The following NCALD variants were observed in gnomAD, a reference collection of about 807,000 sequenced individuals.
The protein encoded by NCALD is neurocalcin-delta.
In NCALD, 10 loss-of-function variants were observed where a neutral mutation model predicts 18.6. The ratio of observed to expected loss-of-function variants is 0.54; its 90% confidence interval spans 0.33 to 0.91. The LOEUF (loss-of-function observed/expected upper bound fraction) is 0.91, where lower values mean the gene tolerates loss of function less well. NCALD is among the 40% of genes least tolerant of loss of function. The pLI, the probability that NCALD is intolerant of heterozygous loss-of-function variation, is 0.03. For synonymous variants in NCALD, 88 were observed against 87.4 expected (o/e 1.01, Z -0.04); for missense variants, 184 against 247.6 (o/e 0.74, Z 1.72).
At chr8:101,859,984 GA>G (rs776376451) in intron 4 of NCALD, among the ~76,000 whole-genome samples, 9 of 152,176 alleles carry the variant, frequency 5.9e-5, no homozygotes, top group Non-Finnish European at 1.2e-4. Flanking sequence ...AAAGTTTCTA[GA>G]GATACATGAT....
At chr8:101,824,046 G>A (rs997316440) in intron 4 of NCALD, among the ~76,000 whole-genome samples, 1 of 152,142 alleles carries the variant, frequency 6.6e-6, no homozygotes, top group East Asian at 1.9e-4. Context: ...TTTACTTGTC[G>A]TGAAACTTCT....
At chr8:101,782,281 C>T (rs1196640557) in intron 1 of NCALD, among the ~76,000 whole-genome samples, 2 of 151,858 alleles carry the variant, frequency 1.3e-5, no homozygotes, top group African/African-American at 2.4e-5. Flanking sequence ...ACGGATATAA[C>T]CCAGCTAAAG....
At chr8:102,033,525 T>C (rs1481542395) in intron 1 of NCALD, among the ~76,000 whole-genome samples, 1 of 152,188 alleles carries the variant, frequency 6.6e-6, no homozygotes, top group Non-Finnish European at 1.5e-5. Context: ...GGTTTAAAGT[T>C]ATTCATTTCC....
intron 1 of NCALD, among the ~76,000 whole-genome samples, chr8:101,775,409 C>A (rs901415100): frequency 6.6e-6 from 1 of 152,148 alleles, no homozygotes. Flanking sequence ...AGGCTCTCAA[C>A]GTTTAGCTGG....
At chr8:102,007,430 G>A (rs1456920927) in intron 2 of NCALD, among the ~76,000 whole-genome samples, 1 of 152,196 alleles carries the variant, frequency 6.6e-6, no homozygotes. Flanking sequence ...TTCATCAGTT[G>A]ATACATAAGC....
At chr8:102,025,648 A>T (rs1356109354) in intron 1 of NCALD, among the ~76,000 whole-genome samples, 1 of 152,220 alleles carries the variant, frequency 6.6e-6, no homozygotes, top group Non-Finnish European at 1.5e-5. Flanking sequence ...CATGATATAT[A>T]ACGCATTTCC....
intron 1 of NCALD, among the ~76,000 whole-genome samples, chr8:102,031,233 A>G (rs143576316): frequency 3.9e-4 from 60 of 152,336 alleles, no homozygotes; most frequent in African/African-American, 1.2e-3. Context: ...GAGAAACTCT[A>G]CAAGTCACAA....
At chr8:101,787,291 AGT>A (rs1812264702) in intron 1 of NCALD, among the ~76,000 whole-genome samples, 1 of 152,222 alleles carries the variant, frequency 6.6e-6, no homozygotes, top group Non-Finnish European at 1.5e-5. Context: ...TCCCAAGGCA[AGT>A]GTTCTTTTCT....
intron 3 of NCALD, among the ~76,000 whole-genome samples, chr8:101,909,766 C>T (rs1469803941): frequency 1.3e-5 from 2 of 152,148 alleles, no homozygotes; most frequent in Non-Finnish European, 1.5e-5. Context: ...ACCTCTTAAA[C>T]AGTACATTCA....
intron 2 of NCALD, among the ~76,000 whole-genome samples, chr8:101,934,529 A>G (rs1359929695): frequency 3.3e-5 from 5 of 152,182 alleles, no homozygotes; most frequent in African/African-American, 1.2e-4. Flanking sequence ...AGAAAGAAAA[A>G]GAGGAAAGTC....
intron 1 of NCALD, among the ~76,000 whole-genome samples, chr8:102,085,675 T>G (rs1046295445): frequency 6.6e-6 from 1 of 151,936 alleles, no homozygotes; most frequent in African/African-American, 2.4e-5. Context: ...GGAGAATTGC[T>G]TGAACCCAGG....
chr8:101,699,722 G>A (rs1411039281), intron 2 of NCALD, among the ~76,000 whole-genome samples: 4 of 152,096 alleles, frequency 2.6e-5, no homozygotes, highest in Non-Finnish European at 5.9e-5. Context: ...GAGAACACAT[G>A]GACACAGGGA....
chr8:101,914,296 G>A (rs1586746446), intron 3 of NCALD, among the ~76,000 whole-genome samples: 1 of 152,266 alleles, frequency 6.6e-6, no homozygotes, highest in South Asian at 2.1e-4. Context: ...ATTAGACTTA[G>A]ATCAAGTATT....
At chr8:102,101,609 G>A (rs1422759321) in intron 1 of NCALD, among the ~76,000 whole-genome samples, 1 of 152,176 alleles carries the variant, frequency 6.6e-6, no homozygotes, top group Admixed American at 6.5e-5. Context: ...GAAATGGGGT[G>A]TTTTATGTGT....
intron 1 of NCALD, among the ~76,000 whole-genome samples, chr8:101,776,423 G>A (rs1460174971): frequency 6.6e-6 from 1 of 151,964 alleles, no homozygotes; most frequent in Admixed American, 6.6e-5. Context: ...AATTAACCAG[G>A]AATTAACAGC....
intron 2 of NCALD, among the ~76,000 whole-genome samples, chr8:101,968,149 A>G (rs539309756): frequency 4.3e-4 from 65 of 152,284 alleles, no homozygotes; most frequent in African/African-American, 1.5e-3. Context: ...AGGTTTCTCT[A>G]AGCCCCAAAC....
intron 2 of NCALD, among the ~76,000 whole-genome samples, chr8:101,999,369 G>A (rs975563487): frequency 2.0e-5 from 3 of 152,128 alleles, no homozygotes; most frequent in African/African-American, 4.8e-5. Flanking sequence ...GGCATTCACA[G>A]CAACCTGGAT....
intron 4 of NCALD, among the ~76,000 whole-genome samples, chr8:101,845,764 T>C (rs1205731864): frequency 6.6e-6 from 1 of 152,184 alleles, no homozygotes; most frequent in African/African-American, 2.4e-5. Context: ...TTGAACAATA[T>C]AGAACTTATT....
intron 2 of NCALD, among the ~76,000 whole-genome samples, chr8:101,962,611 T>A (rs987204090): frequency 1.3e-5 from 2 of 152,206 alleles, no homozygotes; most frequent in Non-Finnish European, 2.9e-5. Flanking sequence ...TTGCTGGATA[T>A]GCAAAATCTC....
Sources: gnomAD v4.1 joint callset for allele counts (sites outside exome capture counted in the v4.1 genomes callset) on GRCh38, gnomAD v4.1.1 for gene constraint, MANE v1.5 for transcripts, NCBI Gene and HGNC (gene_info 2026-07-23, HGNC 2026-07-21) for gene names.